ANK1: variants seen among roughly 807,000 people sequenced by gnomAD.
ANK1 encodes ankyrin-1.
Under a neutral mutation model 210.4 loss-of-function variants are expected in ANK1, and 51 were observed. The ratio of observed to expected loss-of-function variants is 0.24; its 90% confidence interval spans 0.19 to 0.31. The LOEUF (loss-of-function observed/expected upper bound fraction) is 0.31, where lower values mean the gene tolerates loss of function less well. ANK1 is among the 10% of genes least tolerant of loss of function. The pLI is 1.00. For synonymous variants in ANK1, 967 were observed against 1,025.9 expected (o/e 0.94, Z 1.10); for missense variants, 2,051 against 2,504.4 (o/e 0.82, Z 3.86).
intron 2 of ANK1, among the ~76,000 whole-genome samples, chr8:41,739,353 C>A (rs528989281): frequency 5.9e-5 from 9 of 151,988 alleles, no homozygotes; most frequent in African/African-American, 2.2e-4. Context: ...TGAAAATTTC[C>A]ATCTACTCAT....
chr8:41,767,251 G>A (rs1049269490), intron 1 of ANK1, among the ~76,000 whole-genome samples: 1 of 151,884 alleles, frequency 6.6e-6, no homozygotes, highest in African/African-American at 2.4e-5. Flanking sequence ...GCCACAACCC[G>A]CAGGACGGAC....
At chr8:41,854,920 C>T (rs1470902634) in intron 1 of ANK1, among the ~76,000 whole-genome samples, 3 of 151,184 alleles carry the variant, frequency 2.0e-5, no homozygotes, top group African/African-American at 7.3e-5. Context: ...TGCATTCCAT[C>T]CTGGATGATA....
chr8:41,679,806 C>T (rs1219045593), intron 37 of ANK1, among the ~76,000 whole-genome samples: 4 of 151,628 alleles, frequency 2.6e-5, no homozygotes, highest in Admixed American at 6.6e-5. Flanking sequence ...CCTCGTGATC[C>T]GCCCACCTCG....
At position 41,827,698 on chromosome 8, in the gene ANK1, ACACT is replaced by A. The variant is rs376774853; in HGVS notation, c.126+68653_126+68656del. Among the ~76,000 whole-genome samples the A allele has an allele frequency of 9.6e-3, 1,120 of 116,476 alleles. 28 individuals carry two copies. Among genetic ancestry groups the A allele is most frequent in the African/African-American group, 0.028 (891 of 31,936 alleles). The allele number at this position is 116,476 out of a possible 152,430, so 76.4% of individuals were successfully genotyped here. The stretch of plus-strand genomic sequence containing the variant: ...TCCCCTCATATATACACACTCACAC[ACACT>A]CACACGCACACCCACTCACACTCAC... On this transcript the variant is annotated intron_variant, in intron 1 of 42. Transcript: ENST00000265709.
intron 1 of ANK1, among the ~76,000 whole-genome samples, chr8:41,765,729 G>T (rs1841628562): frequency 6.6e-6 from 1 of 152,110 alleles, no homozygotes; most frequent in Non-Finnish European, 1.5e-5. Flanking sequence ...GGTGAATCCT[G>T]GTTACCTGAG....
intron 1 of ANK1, among the ~76,000 whole-genome samples, chr8:41,761,882 C>A (rs1005378678): frequency 6.6e-6 from 1 of 152,128 alleles, no homozygotes; most frequent in Non-Finnish European, 1.5e-5. Context: ...CCTCCCAGCC[C>A]CCACCCACAA....
intron 9 of ANK1, among the ~76,000 whole-genome samples, chr8:41,722,255 C>A (rs1829459245): frequency 6.6e-6 from 1 of 152,252 alleles, no homozygotes; most frequent in African/African-American, 2.4e-5. Flanking sequence ...CAACAGCACA[C>A]ACAGACACAC....
intron 38 of ANK1, among the ~76,000 whole-genome samples, chr8:41,670,525 C>G (rs1330287840): frequency 6.6e-6 from 1 of 152,244 alleles, no homozygotes; most frequent in East Asian, 1.9e-4. Context: ...CACTATTTCA[C>G]TTTAAACCAG....
chr8:41,868,297 C>A (rs1430536241), intron 1 of ANK1, among the ~76,000 whole-genome samples: 1 of 152,094 alleles, frequency 6.6e-6, no homozygotes, highest in Non-Finnish European at 1.5e-5. Context: ...TGTTCGGTAT[C>A]TCTGGCCTCT....
chr8:41,725,006 A>G (rs1176521974), intron 6 of ANK1, among the ~76,000 whole-genome samples: 1 of 152,176 alleles, frequency 6.6e-6, no homozygotes, highest in Non-Finnish European at 1.5e-5. Context: ...ACTACAGGCG[A>G]ACACCATCAT....
intron 42 of ANK1, among the ~76,000 whole-genome samples, chr8:41,659,439 G>A (rs1222007412): frequency 6.6e-6 from 1 of 152,236 alleles, no homozygotes; most frequent in Non-Finnish European, 1.5e-5. Context: ...AGCACGGTGA[G>A]TGCCAGCTTT....
chr8:41,714,127 G>A (rs1826946620), intron 16 of ANK1, 29 bp downstream of exon 16: 1 of 1,313,996 alleles, frequency 7.6e-7, no homozygotes, highest in Non-Finnish European at 9.8e-7. Context: ...TGCTCTCCAG[G>A]GGCAGCTGGG....
chr8:41,687,268 G>C (rs192874031), intron 35 of ANK1, among the ~76,000 whole-genome samples: 7 of 152,374 alleles, frequency 4.6e-5, no homozygotes, highest in Non-Finnish European at 7.3e-5. Context: ...TTATAATTAA[G>C]CATTCACCAA....
At position 41,704,601 on chromosome 8, in the gene ANK1, G is replaced by T; in HGVS notation, c.2098-129C>A. 1 of 809,498 alleles carries T rather than the reference G, an allele frequency of 1.2e-6. No homozygotes were observed. Among genetic ancestry groups the T allele is most frequent in the Non-Finnish European group, 2.1e-6 (1 of 475,772 alleles). The allele number at this position is 809,498 out of a possible 1,614,324, so 50.1% of individuals were successfully genotyped here. On this transcript the variant is annotated intron_variant, in intron 18 of 42. Transcript: ENST00000289734. This position sits in a 1 kb window ranked among gnomAD's most constrained non-coding sequence, Gnocchi z 4.1. ...CCTTGAAGGCTGACATTGACAAGCT[G>T]AATGGCTGCTGCTGGGCAGAGACCA...
At chr8:41,835,808 C>T (rs772279535) in intron 1 of ANK1, among the ~76,000 whole-genome samples, 2 of 152,258 alleles carry the variant, frequency 1.3e-5, no homozygotes, top group Non-Finnish European at 2.9e-5. Context: ...TCCCAGCCTA[C>T]ACAATGGCCC....
chr8:41,792,735 A>G (rs1847993006), intron 1 of ANK1, among the ~76,000 whole-genome samples: 1 of 152,228 alleles, frequency 6.6e-6, no homozygotes, highest in Non-Finnish European at 1.5e-5. Flanking sequence ...AGGAGAAACT[A>G]TTTTATGAAT....
At chr8:41,815,674 T>C (rs1430192624) in intron 1 of ANK1, among the ~76,000 whole-genome samples, 1 of 152,196 alleles carries the variant, frequency 6.6e-6, no homozygotes, top group African/African-American at 2.4e-5. Context: ...TCATTTACAG[T>C]AGTTTTAATT....
At chr8:41,680,284 C>T (rs576913498) in intron 37 of ANK1, among the ~76,000 whole-genome samples, 9 of 152,222 alleles carry the variant, frequency 5.9e-5, no homozygotes, top group South Asian at 2.1e-4. Flanking sequence ...TGTAAGGGGC[C>T]GGGCACAGTG....
At chr8:41,777,210 G>T (rs1303784699) in intron 1 of ANK1, among the ~76,000 whole-genome samples, 2 of 152,136 alleles carry the variant, frequency 1.3e-5, no homozygotes, top group Admixed American at 6.5e-5. Flanking sequence ...TCTAATCTGG[G>T]TATTTCTTAT....
Sources: allele counts gnomAD v4.1 joint callset (sites outside exome capture counted in the v4.1 genomes callset), GRCh38; gene constraint gnomAD v4.1.1; non-coding constraint Gnocchi (gnomAD v3.1); transcripts MANE v1.5; gene names NCBI Gene and HGNC (gene_info 2026-07-23, HGNC 2026-07-21).